The following STPG1 variants were observed in gnomAD, a reference collection of about 807,000 sequenced individuals.
STPG1 encodes O(6)-methylguanine-induced apoptosis 2.
In STPG1, 33 loss-of-function variants were observed where a neutral mutation model predicts 40.1. The observed-to-expected ratio is 0.82, with a 90% confidence interval of 0.62 to 1.10. The LOEUF (loss-of-function observed/expected upper bound fraction) is 1.10. Ranked by LOEUF, STPG1 falls within the 50% of genes least tolerant of loss-of-function variation. STPG1 has a pLI of 0.00. For missense variants in STPG1, 396 were observed against 415.1 expected (o/e 0.95, Z 0.40); for synonymous variants, 150 against 155.0 (o/e 0.97, Z 0.24).
intron 2 of STPG1, among the ~76,000 whole-genome samples, chr1:24,392,402 A>G (rs894648247): frequency 6.6e-6 from 1 of 152,198 alleles, no homozygotes; most frequent in Non-Finnish European, 1.5e-5. Context: ...CTCTGACTCC[A>G]GTTTTTTGAT....
In STPG1 at chr1:24,358,588, C is replaced by G. The variant is rs573583719; in HGVS notation, c.960G>C (p.Gln320His). The stretch of plus-strand genomic sequence containing the variant: ...TCTTGTCCTCGTTGTAGAGGAAGGA[C>G]TGCTTTCCTGGAAGCTCTGGCTTGT... ...ATYKPELPGK[Q>H]SFLYNEDKKW... The change falls in exon 9 of 9, where the codon CAG becomes CAC. Residue 320 changes from glutamine (Q) to histidine (H), a missense_variant. Transcript: ENST00000337248. 2.5e-6 allele frequency: 4 copies of G among 1,614,070 alleles called. No homozygotes were observed. The East Asian group carries it at 6.7e-5, about 27-fold the overall frequency.
Position 24,359,226 on chromosome 1 carries a change from G to A in STPG1, c.929-607C>T, listed in dbSNP as rs114110877. ...CGTGCACGTGCCCAGGAAACCCCTC[G>A]CAGAAGCCCACCTTGGCATGGGTGA... On this transcript the variant is annotated intron_variant, in intron 8 of 8. Coordinates refer to ENST00000337248, the MANE Select transcript of STPG1 (RefSeq NM_001199013.2). The surrounding 1 kb of genome is among the most constrained non-coding windows in gnomAD (Gnocchi z 5.3). 5.4e-3 allele frequency among the ~76,000 whole-genome samples: 827 copies of A among 152,326 alleles called. 6 individuals carry two copies. Among genetic ancestry groups the A allele is most frequent in the African/African-American group, 0.019 (784 of 41,574 alleles).
At position 24,360,883 on chromosome 1, in the gene STPG1, G is replaced by A. The variant is rs191866200; in HGVS notation, c.896C>T (p.Ala299Val). 316 of 1,613,044 alleles carry A rather than the reference G, an allele frequency of 2.0e-4. No homozygotes were observed. Among genetic ancestry groups the A allele is most frequent in the African/African-American group, 2.3e-4 (17 of 75,006 alleles). Reference sequence around the variant, plus strand: ...AGGCAGGCCTGGCTGAGGCGGCGCCGCTGTCCACCGGCTGGTATTGGACAC... The same window carrying A: ...AGGCAGGCCTGGCTGAGGCGGCGCCACTGTCCACCGGCTGGTATTGGACAC... ...SFVSNTSRWTAAPPQPGLPGP... is the reference protein window; with the variant it reads ...SFVSNTSRWTVAPPQPGLPGP... Residue 299 changes from alanine to valine, a missense_variant, in exon 8 of 9, where the codon GCG (alanine) becomes GTG (valine). Physicochemically the swap from Ala to Val is moderately conservative, Grantham distance 64. Transcript: ENST00000337248.
chr1:24,390,325 C>A (rs1249226200), intron 3 of STPG1, among the ~76,000 whole-genome samples: 5 of 152,056 alleles, frequency 3.3e-5, no homozygotes, highest in African/African-American at 4.8e-5. Flanking sequence ...AGGAACCACG[C>A]AGAACTTTCC....
chr1:24,389,632 A>G (rs958039576), intron 3 of STPG1, among the ~76,000 whole-genome samples: 1 of 152,200 alleles, frequency 6.6e-6, no homozygotes, highest in Non-Finnish European at 1.5e-5. Flanking sequence ...ATTAGAGATA[A>G]AAGGCAGTCT....
At chr1:24,384,216 T>C (rs1180397241) in intron 3 of STPG1, among the ~76,000 whole-genome samples, 1 of 152,248 alleles carries the variant, frequency 6.6e-6, no homozygotes, top group African/African-American at 2.4e-5. Context: ...CAAGCCAGGC[T>C]AGACTCCCAA....
At chr1:24,377,327 A>G (rs1460263632) in intron 5 of STPG1, among the ~76,000 whole-genome samples, 1 of 151,896 alleles carries the variant, frequency 6.6e-6, no homozygotes, top group African/African-American at 2.4e-5. Context: ...CCAGAGAACA[A>G]AATGTGAACT....
At chr1:24,398,846 T>A (rs904058231) in intron 2 of STPG1, among the ~76,000 whole-genome samples, 2 of 152,120 alleles carry the variant, frequency 1.3e-5, no homozygotes, top group African/African-American at 2.4e-5. Context: ...GTAACTTAAA[T>A]AAAAGGATCT....
chr1:24,372,869 C>G (rs1641818060), intron 6 of STPG1, among the ~76,000 whole-genome samples: 1 of 152,116 alleles, frequency 6.6e-6, no homozygotes, highest in Admixed American at 6.5e-5. Context: ...GGGGTGTGGT[C>G]TGTGGGACCT....
intron 2 of STPG1, among the ~76,000 whole-genome samples, chr1:24,397,578 C>G (rs140067793): frequency 1.3e-5 from 2 of 151,952 alleles, no homozygotes; most frequent in African/African-American, 4.8e-5. Context: ...GATAATACAT[C>G]GTGACCAACC....
At chr1:24,381,604 A>C (rs917571722) in intron 4 of STPG1, among the ~76,000 whole-genome samples, 3 of 152,234 alleles carry the variant, frequency 2.0e-5, no homozygotes, top group Non-Finnish European at 2.9e-5. Context: ...ATACTAATAA[A>C]GCTCTTTATA....
intron 1 of STPG1, among the ~76,000 whole-genome samples, chr1:24,402,758 CA>C (rs973963915): frequency 4.4e-5 from 6 of 134,962 alleles, no homozygotes; most frequent in South Asian, 2.3e-4. Context: ...AAAAAAAAAA[CA>C]AAAAAAAACA....
rs953109834 is a variant in STPG1, at chr1:24,399,783, C to T, written c.70+1536G>A. The stretch of plus-strand genomic sequence containing the variant: ...GCAAAAAAGTTGAACAGTCACTTCT[C>T]CAAAGAGAATATCCAAAAGGCCAGT... On this transcript the variant is annotated intron_variant, in intron 2 of 8. Transcript: ENST00000337248. The surrounding 1 kb of genome is among the most constrained non-coding windows in gnomAD (Gnocchi z 4.0). Among the ~76,000 whole-genome samples, 8 of 152,056 alleles carry T rather than the reference C, an allele frequency of 5.3e-5. No homozygotes were observed. The highest frequency in any genetic ancestry group is 7.4e-5 in the Non-Finnish European group (5 of 67,980).
chr1:24,381,967 C>A (rs965138468), intron 4 of STPG1, among the ~76,000 whole-genome samples: 2 of 152,156 alleles, frequency 1.3e-5, no homozygotes, highest in African/African-American at 4.8e-5. Flanking sequence ...AGGTACAGGA[C>A]CTTAAGTGCT....
At chr1:24,410,363 C>G (rs12746795) in intron 1 of STPG1, among the ~76,000 whole-genome samples, 16,855 of 152,228 alleles carry the variant, frequency 0.11, 973 homozygotes, top group African/African-American at 0.13. Flanking sequence ...GTAATCCCAG[C>G]ACTTTGCGAG....
chr1:24,360,318 A>G (rs1481188980), intron 8 of STPG1, among the ~76,000 whole-genome samples: 1 of 152,146 alleles, frequency 6.6e-6, no homozygotes, highest in African/African-American at 2.4e-5. Flanking sequence ...GTGTGGTGGC[A>G]TGTACCTGTA....
rs1171325516 is a variant in STPG1, at chr1:24,358,282, G to C, written c.*261C>G. ...ATGGGTGCGTGGGGAAGCAGCCAGG[G>C]GGCTCTGTCCACTCCTCCCTTCTGC... is the stretch of plus-strand genomic sequence containing the variant. On this transcript the variant is annotated 3_prime_UTR_variant, in exon 9 of 9. Transcript: ENST00000337248. The C allele has an allele frequency of 1.5e-6, 1 of 655,762 alleles. No homozygotes were observed. The highest frequency in any genetic ancestry group is 2.1e-5 in the Admixed American group (1 of 48,494). The allele number at this position is 655,762 out of a possible 1,614,324, so 40.6% of individuals were successfully genotyped here. A position where few individuals can be genotyped will look rare whatever the true frequency, so the allele number is the denominator to read the frequency against.
intron 7 of STPG1, 187 bp downstream of exon 7, chr1:24,369,487 G>C (rs1196959664): frequency 2.8e-6 from 2 of 705,098 alleles, no homozygotes; most frequent in African/African-American, 3.5e-5. Context: ...GCACACAGTG[G>C]TTGCTCAATA....
chr1:24,393,859 C>T (rs1642880829), intron 2 of STPG1, among the ~76,000 whole-genome samples: 1 of 152,156 alleles, frequency 6.6e-6, no homozygotes, highest in Non-Finnish European at 1.5e-5. Flanking sequence ...AAGATGGTCC[C>T]CAGCTTTCTG....
Sources: allele counts gnomAD v4.1 joint callset (sites outside exome capture counted in the v4.1 genomes callset), GRCh38; gene constraint gnomAD v4.1.1; non-coding constraint Gnocchi (gnomAD v3.1); transcripts MANE v1.5; gene names NCBI Gene and HGNC (gene_info 2026-07-23, HGNC 2026-07-21).